Variants in PAK4 observed in about 807,000 individuals in gnomAD.
The protein encoded by PAK4 is serine/threonine-protein kinase PAK 4.
In PAK4, 49 loss-of-function variants were observed where a neutral mutation model predicts 53.5. The observed-to-expected ratio is 0.92, with a 90% CI of 0.73 to 1.16. The LOEUF is 1.16. PAK4 is among the 50% of genes most tolerant of loss of function. PAK4 has a pLI of 0.00. For synonymous variants in PAK4, 376 were observed against 375.6 expected, an observed-to-expected ratio of 1.00 and a Z score of -0.01; for missense variants, 824 against 850.7, an observed-to-expected ratio of 0.97 and a Z score of 0.39.
chr19:39,175,711 C>T lies in PAK4; in HGVS notation c.1359+273C>T, dbSNP rs914954049. ...GCAGGGATCTGGGCAGACAGCGCAGCCCCCGCCACAGGCTTCTTCCTCCAC... is the reference window on the plus strand; with the variant it reads ...GCAGGGATCTGGGCAGACAGCGCAGTCCCCGCCACAGGCTTCTTCCTCCAC... On this transcript the variant is annotated intron_variant, in intron 6 of 8. Coordinates refer to ENST00000358301, the Ensembl canonical transcript of PAK4. The surrounding 1 kb of genome is among the most constrained non-coding windows in gnomAD (Gnocchi z 4.7). Among the ~76,000 whole-genome samples, 3 of 152,138 alleles carry T rather than the reference C, an allele frequency of 2.0e-5. No individual in the cohort carries two copies. Among genetic ancestry groups the T allele is most frequent in the Non-Finnish European group, 2.9e-5 (2 of 68,012 alleles).
Position 39,173,435 on chromosome 19 carries a change from C to T in PAK4, c.663+59C>T. The T allele has an allele frequency of 7.1e-7, 1 of 1,404,162 alleles. No homozygotes were observed. The highest frequency in any genetic ancestry group is 9.5e-7 in the Non-Finnish European group (1 of 1,048,558). The allele number at this position is 1,404,162 out of a possible 1,614,324, so 87.0% of individuals were successfully genotyped here. ...CCCCTGCCCGTTGCTCCTCTGTCCC[C>T]ACCTTCCAGCCCCGCCCCACCACCG... On this transcript the variant is annotated intron_variant, in intron 3 of 8. Transcript: ENST00000358301. This position sits in a 1 kb window ranked among gnomAD's most constrained non-coding sequence, Gnocchi z 6.9.
At chr19:39,126,200 C>G (rs574366283) in intron 1 of PAK4, among the ~76,000 whole-genome samples, 1 of 151,990 alleles carries the variant, frequency 6.6e-6, no homozygotes, top group Admixed American at 6.6e-5. Flanking sequence ...AAGGCAGGGT[C>G]AAAGTTAATA....
intron 6 of PAK4, 129 bp from the exon 8 acceptor site, chr19:39,176,461 C>A: frequency 7.8e-7 from 1 of 1,282,404 alleles, no homozygotes; most frequent in Non-Finnish European, 1.1e-6. Flanking sequence ...CAGCTCTGAC[C>A]CTAGACCCCA....
At chr19:39,143,019 T>C (rs927646661) in intron 1 of PAK4, among the ~76,000 whole-genome samples, 2 of 152,132 alleles carry the variant, frequency 1.3e-5, no homozygotes, top group African/African-American at 4.8e-5. Flanking sequence ...TGTTCCCTGG[T>C]ACTCTGCATG....
intron 2 of PAK4, among the ~76,000 whole-genome samples, chr19:39,170,621 G>A (rs560427958): frequency 2.0e-5 from 3 of 152,192 alleles, no homozygotes; most frequent in South Asian, 2.1e-4. Flanking sequence ...AGGGGAACTC[G>A]GCCAGGTTTG....
At chr19:39,132,983 C>T (rs2073742226) in intron 1 of PAK4, among the ~76,000 whole-genome samples, 1 of 152,246 alleles carries the variant, frequency 6.6e-6, no homozygotes, top group Admixed American at 6.5e-5. Flanking sequence ...TTTACTTTCT[C>T]TGAGAAGGGG....
Position 39,178,354 on chromosome 19 carries a change from G to T in PAK4, c.1621-70G>T. ...GCCGCCAGCCGACTTGGCAGAGGCG[G>T]ACACTGCAGCCCTACAGCAAATGAA... is the stretch of plus-strand genomic sequence containing the variant. On this transcript the variant is annotated intron_variant, in intron 8 of 8. Transcript: ENST00000358301. The surrounding 1 kb of genome is among the most constrained non-coding windows in gnomAD (Gnocchi z 4.4). 1 of 1,514,252 alleles carries T rather than the reference G, an allele frequency of 6.6e-7. No individual in the cohort carries two copies. Among genetic ancestry groups the T allele is most frequent in the Non-Finnish European group, 8.9e-7 (1 of 1,122,506 alleles). The allele number at this position is 1,514,252 out of a possible 1,614,324, so 93.8% of individuals were successfully genotyped here.
chr19:39,150,461 C>G (rs1316009283), intron 1 of PAK4, among the ~76,000 whole-genome samples: 2 of 152,162 alleles, frequency 1.3e-5, no homozygotes, highest in African/African-American at 4.8e-5. Flanking sequence ...CCAGGTCTGT[C>G]CCCCTCTCTC....
chr19:39,180,982 G>T (rs965940482), downstream of PAK4: 1 of 152,216 alleles, frequency 6.6e-6, no homozygotes, highest in Non-Finnish European at 1.5e-5. Flanking sequence ...AAGAAACCAC[G>T]GGCTCAGAGA....
intron 1 of PAK4, among the ~76,000 whole-genome samples, chr19:39,138,428 C>T (rs544967293): frequency 3.3e-5 from 5 of 152,334 alleles, no homozygotes; most frequent in South Asian, 2.1e-4. Flanking sequence ...TACGTGTGCT[C>T]GTGCGCACAC....
chr19:39,152,479 T>A (rs1054099079), intron 1 of PAK4: 2 of 152,160 alleles, frequency 1.3e-5, no homozygotes, highest in Non-Finnish European at 2.9e-5. Context: ...AGCTGTAAAG[T>A]GCTTCCTTTA....
At chr19:39,171,150 G>A (rs1308306544) in intron 2 of PAK4, among the ~76,000 whole-genome samples, 1 of 151,768 alleles carries the variant, frequency 6.6e-6, no homozygotes, top group Non-Finnish European at 1.5e-5. Flanking sequence ...ATAGGCACTT[G>A]TGTTTGCTGC....
At chr19:39,135,944 A>G (rs1312217072) in intron 1 of PAK4, among the ~76,000 whole-genome samples, 1 of 149,688 alleles carries the variant, frequency 6.7e-6, no homozygotes, top group Non-Finnish European at 1.5e-5. Context: ...GTCACTCTAC[A>G]TGACAATGTA....
At chr19:39,181,073 GT>G (rs1207283172), downstream of PAK4, 1 of 151,544 alleles carries the variant, frequency 6.6e-6, no homozygotes, top group Non-Finnish European at 1.5e-5. Context: ...CTCACTGCAG[GT>G]TTGTTTTGTT....
At chr19:39,172,391 A>G (rs2144840959) in intron 2 of PAK4, among the ~76,000 whole-genome samples, 1 of 151,888 alleles carries the variant, frequency 6.6e-6, no homozygotes, top group African/African-American at 2.4e-5. Context: ...GGCTCCTGGG[A>G]CCCCCTTGCC....
chr19:39,169,622 G>A (rs199597836), exon 2 of PAK4: 7 of 1,613,774 alleles, frequency 4.3e-6, no homozygotes, highest in South Asian at 1.1e-5. Context: ...GCGTGCACAC[G>A]GGCTTCGACC....
chr19:39,175,892 T>TGC lies in PAK4; in HGVS notation c.1359+455_1359+456dup, dbSNP rs2074595119. Among the ~76,000 whole-genome samples the TGC allele has an allele frequency of 6.6e-6, 1 of 152,110 alleles. No homozygotes were observed. Among genetic ancestry groups the TGC allele is most frequent in the East Asian group, 1.9e-4 (1 of 5,182 alleles). ...GAGAGGGCCCTTGACTTGAATGAAA[T>TGC]GCTTGCAGAAGTGGATGACTCCATC... On this transcript the variant is annotated intron_variant, in intron 6 of 8. Transcript: ENST00000358301. The surrounding 1 kb of genome is among the most constrained non-coding windows in gnomAD (Gnocchi z 4.7).
chr19:39,157,832 C>T (rs975225597), intron 1 of PAK4, among the ~76,000 whole-genome samples: 3 of 152,182 alleles, frequency 2.0e-5, no homozygotes, highest in African/African-American at 2.4e-5. Context: ...AAGAATGGCC[C>T]GGGAGCTTTC....
At chr19:39,149,577 C>T (rs1220871381) in intron 1 of PAK4, among the ~76,000 whole-genome samples, 1 of 152,144 alleles carries the variant, frequency 6.6e-6, no homozygotes, top group Non-Finnish European at 1.5e-5. Flanking sequence ...TGTATATAGG[C>T]CAGGCGCGGT....
Sources: gnomAD v4.1 joint callset for allele counts (sites outside exome capture counted in the v4.1 genomes callset) on GRCh38, gnomAD v4.1.1 for gene constraint, Gnocchi (gnomAD v3.1) non-coding constraint, MANE v1.5 for transcripts, NCBI Gene and HGNC (gene_info 2026-07-23, HGNC 2026-07-21) for gene names.